CACNA1E: variants seen among roughly 807,000 people sequenced by gnomAD.
The protein encoded by CACNA1E is calcium voltage-gated channel subunit alpha1 E.
In CACNA1E, 40 loss-of-function variants were observed where a neutral mutation model predicts 259.2. The observed-to-expected ratio is 0.15, with a 90% CI of 0.12 to 0.20. The LOEUF (loss-of-function observed/expected upper bound fraction) is 0.20. Ranked by LOEUF, CACNA1E falls within the 10% of genes least tolerant of loss-of-function variation. The pLI, the probability that CACNA1E is intolerant of heterozygous loss-of-function variation, is 1.00. For missense variants in CACNA1E, 1,874 were observed against 3,040.1 expected (o/e 0.62, Z 9.02); for synonymous variants, 1,104 against 1,138.5 (o/e 0.97, Z 0.61).
chr1:181,672,612 C>T (rs1648924725), intron 7 of CACNA1E, among the ~76,000 whole-genome samples: 2 of 152,362 alleles, frequency 1.3e-5, no homozygotes, highest in South Asian at 4.1e-4. Context: ...CCCAGACTGT[C>T]TGGCTCCAGA....
chr1:181,578,662 A>G (rs935628746), intron 4 of CACNA1E, among the ~76,000 whole-genome samples: 14 of 152,222 alleles, frequency 9.2e-5, no homozygotes, highest in Non-Finnish European at 1.5e-4. Flanking sequence ...GGCTATTTCC[A>G]GTTTTTCTCC....
chr1:181,774,660 GGAAGA>G (rs1447753247), intron 37 of CACNA1E, among the ~76,000 whole-genome samples: 2 of 152,214 alleles, frequency 1.3e-5, no homozygotes, highest in Non-Finnish European at 2.9e-5. Context: ...GAGAAAAGAA[GGAAGA>G]GAAGAGTCTG....
At chr1:181,781,947 G>T (rs1318064660) in intron 39 of CACNA1E, among the ~76,000 whole-genome samples, 1 of 152,154 alleles carries the variant, frequency 6.6e-6, no homozygotes, top group Non-Finnish European at 1.5e-5. Flanking sequence ...AGGAAATCAT[G>T]CAGAAATTCC....
chr1:181,719,652 C>T (rs1572695280), intron 12 of CACNA1E, 99 bp from the exon 13 acceptor site: 1 of 578,766 alleles, frequency 1.7e-6, no homozygotes, highest in Non-Finnish European at 3.1e-6. Flanking sequence ...TTTATTTCCC[C>T]ATCCCCCACT....
rs1655663411 is a variant in CACNA1E, at chr1:181,733,000, A to G, written c.2914A>G (p.Thr972Ala). The G allele has an allele frequency of 1.9e-6, 3 of 1,611,632 alleles. No individual in the cohort carries two copies. The highest frequency in any genetic ancestry group is 2.5e-6 in the Non-Finnish European group (3 of 1,178,798). ...LRGNHGAKEP[T>A]IQEERAQDLR... is the part of the protein sequence containing the mutation. ...GGGCAACCATGGTGCCAAGGAGCCA[A>G]CGATCCAAGAAGAGAGAGCCCAGGA... Residue 972 changes from threonine (T) to alanine (A), a missense_variant, in exon 20 of 48, where the codon ACG becomes GCG. Transcript: ENST00000367573. The surrounding 1 kb of genome is among the most constrained non-coding windows in gnomAD (Gnocchi z 5.5).
At chr1:181,363,984 C>T (rs1400314020) in intron 1 of CACNA1E, among the ~76,000 whole-genome samples, 1 of 152,134 alleles carries the variant, frequency 6.6e-6, no homozygotes, top group African/African-American at 2.4e-5. Flanking sequence ...GTGACTGGCA[C>T]ATGGAAAAGA....
chr1:181,623,945 A>G (rs1230634583), intron 6 of CACNA1E, among the ~76,000 whole-genome samples: 1 of 152,196 alleles, frequency 6.6e-6, no homozygotes, highest in Non-Finnish European at 1.5e-5. Context: ...TGGATATTTT[A>G]TAAAGAAAAG....
At chr1:181,426,479 A>C (rs1571844114) in intron 2 of CACNA1E, among the ~76,000 whole-genome samples, 3 of 133,468 alleles carry the variant, frequency 2.2e-5, no homozygotes, top group Admixed American at 7.9e-5. Context: ...ACCCCTTCCC[A>C]TCTCATTCCC....
rs1036151977 is a variant in CACNA1E at position 181,758,638 on chromosome 1, G to A, written c.4495-120G>A. On this transcript the variant is annotated intron_variant, in intron 31 of 47. Transcript: ENST00000367573. The surrounding 1 kb of genome is among the most constrained non-coding windows in gnomAD (Gnocchi z 4.2). The stretch of plus-strand genomic sequence containing the variant: ...GCACTCGAAGTCCATCTCTCCTCCT[G>A]TACCACACACCAGAGTGTCCCACAG... The A allele has an allele frequency of 1.6e-6, 1 of 618,472 alleles. No individual in the cohort carries two copies. The highest frequency in any genetic ancestry group is 2.9e-6 in the Non-Finnish European group (1 of 345,628). The allele number at this position is 618,472 out of a possible 1,614,324, so 38.3% of individuals were successfully genotyped here. A position where few individuals can be genotyped will look rare whatever the true frequency, so the allele number is the denominator to read the frequency against.
Position 181,798,427 on chromosome 1 carries a change from G to T in CACNA1E, c.6535G>T (p.Ala2179Ser), listed in dbSNP as rs748177305. ...TTCCTACAGCTCCCTGATTCGACAC[G>T]CGGGCAGCATCTCTCCACCTGCTGA... is the stretch of plus-strand genomic sequence containing the variant. The part of the protein sequence containing the change: ...LLSYSSLIRH[A>S]GSISPPADGS... The change falls in exon 48 of 48, where the codon GCG becomes TCG. Residue 2179 changes from alanine to serine, a missense_variant. Ala to Ser is a moderately conservative substitution (Grantham distance 99, BLOSUM62 1). Transcript: ENST00000367573. The surrounding 1 kb of genome is among the most constrained non-coding windows in gnomAD (Gnocchi z 4.2). The T allele has an allele frequency of 1.9e-6, 3 of 1,613,622 alleles. No individual in the cohort carries two copies. The highest frequency in any genetic ancestry group is 4.5e-5 in the East Asian group (2 of 44,864).
rs1168668018 is a variant in CACNA1E at position 181,485,028 on chromosome 1, C to A, written c.266+1018C>A. On this transcript the variant is annotated intron_variant, in intron 1 of 47. Transcript: ENST00000367573. This position sits in a 1 kb window ranked among gnomAD's most constrained non-coding sequence, Gnocchi z 4.2. The stretch of plus-strand genomic sequence containing the variant: ...GCCTTGTTCTTCACTAAGGATTGGA[C>A]GCCTGGCAAGGCCATTGGGAATTGG... 6.6e-6 allele frequency among the ~76,000 whole-genome samples: 1 copy of A among 152,182 alleles called. No homozygotes were observed. Among genetic ancestry groups the A allele is most frequent in the Non-Finnish European group, 1.5e-5 (1 of 68,032 alleles).
chr1:181,361,587 G>C (rs1166613947), intron 1 of CACNA1E, among the ~76,000 whole-genome samples: 1 of 152,140 alleles, frequency 6.6e-6, no homozygotes, highest in Non-Finnish European at 1.5e-5. Flanking sequence ...TGCCCCCATA[G>C]TCACCCCATT....
chr1:181,323,829 T>C (rs1650558448), intron 1 of CACNA1E, among the ~76,000 whole-genome samples: 1 of 152,208 alleles, frequency 6.6e-6, no homozygotes, highest in African/African-American at 2.4e-5. Context: ...TCCGCCTTCT[T>C]TTTTTGTTGG....
chr1:181,657,502 G>T (rs1054302406), intron 7 of CACNA1E, among the ~76,000 whole-genome samples: 2 of 152,144 alleles, frequency 1.3e-5, no homozygotes, highest in African/African-American at 4.8e-5. Flanking sequence ...GCAGAGGGCT[G>T]CCAGTTTTTC....
At chr1:181,547,272 G>C (rs1306512976) in intron 3 of CACNA1E, among the ~76,000 whole-genome samples, 1 of 152,052 alleles carries the variant, frequency 6.6e-6, no homozygotes, top group Non-Finnish European at 1.5e-5. Context: ...CTCCAGCAGT[G>C]CTGATGCTTG....
chr1:181,335,015 C>T (rs115933520), intron 1 of CACNA1E, among the ~76,000 whole-genome samples: 93 of 152,360 alleles, frequency 6.1e-4, no homozygotes, highest in Non-Finnish European at 9.7e-4. Context: ...GCTGGGCACA[C>T]TTCGCCTCTG....
At chr1:181,790,929 T>A (rs1661250450) in intron 44 of CACNA1E, among the ~76,000 whole-genome samples, 1 of 152,170 alleles carries the variant, frequency 6.6e-6, no homozygotes. Flanking sequence ...TGCCTCTTAG[T>A]GTAGTTAGGT....
chr1:181,800,599 C>T lies in CACNA1E; in HGVS notation c.*1765C>T, dbSNP rs1483130549. The T allele has an allele frequency of 2.6e-5, 4 of 152,640 alleles. No homozygotes were observed. Among genetic ancestry groups the T allele is most frequent in the Admixed American group, 2.6e-4 (4 of 15,290 alleles). The allele number at this position is 152,640 out of a possible 1,614,324, so 9.5% of individuals were successfully genotyped here. A position where few individuals can be genotyped will look rare whatever the true frequency, so the allele number is the denominator to read the frequency against. ...ACCAGGAACAGATGGAACCTGCCACCCAGGATCCTGATCTGCCCTGCACTG... is the reference window on the plus strand; with the variant it reads ...ACCAGGAACAGATGGAACCTGCCACTCAGGATCCTGATCTGCCCTGCACTG... On this transcript the variant is annotated 3_prime_UTR_variant, in exon 48 of 48. Transcript: ENST00000367573.
intron 2 of CACNA1E, among the ~76,000 whole-genome samples, chr1:181,455,264 C>T (rs1661387715): frequency 6.6e-6 from 1 of 152,118 alleles, no homozygotes; most frequent in African/African-American, 2.4e-5. Flanking sequence ...CTGGTGGGCA[C>T]AAAAGTCCAG....
Sources: allele counts gnomAD v4.1 joint callset (sites outside exome capture counted in the v4.1 genomes callset), GRCh38; gene constraint gnomAD v4.1.1; non-coding constraint Gnocchi (gnomAD v3.1); transcripts MANE v1.5; gene names NCBI Gene and HGNC (gene_info 2026-07-23, HGNC 2026-07-21).